The following INPP5D variants were observed in gnomAD, a reference collection of about 807,000 sequenced individuals.
The protein encoded by INPP5D is inositol polyphosphate-5-phosphatase D.
Under a neutral mutation model 122.9 loss-of-function variants are expected in INPP5D, and 33 were observed. The observed-to-expected ratio is 0.27, with a 90% CI of 0.20 to 0.36. The LOEUF (loss-of-function observed/expected upper bound fraction) is 0.36. Ranked by LOEUF, INPP5D falls within the 10% of genes least tolerant of loss-of-function variation. The probability of loss-of-function intolerance (pLI) is 1.00; values close to 1 mark genes in which losing one functional copy is unlikely to be tolerated. For synonymous variants in INPP5D, 584 were observed against 576.2 expected, an observed-to-expected ratio of 1.01 and a Z score of -0.19; for missense variants, 1,053 against 1,412.7, an observed-to-expected ratio of 0.75 and a Z score of 4.08.
intron 2 of INPP5D, among the ~76,000 whole-genome samples, chr2:233,119,410 T>C (rs901518325): frequency 3.9e-5 from 6 of 152,234 alleles, no homozygotes; most frequent in Admixed American, 3.9e-4. Context: ...ATTATTTTTG[T>C]TATTCTGCTC....
rs368658476 is a variant in INPP5D at position 233,192,874 on chromosome 2, C to T, written c.2447-938C>T. Among the ~76,000 whole-genome samples, 8 of 152,370 alleles carry T rather than the reference C, an allele frequency of 5.3e-5. No individual in the cohort carries two copies. The East Asian group carries it at 5.8e-4, about 11-fold the overall frequency. On this transcript the variant is annotated intron_variant, in intron 22 of 26. Coordinates refer to ENST00000445964, the MANE Select transcript of INPP5D (RefSeq NM_001017915.3). Reference sequence around the variant, plus strand: ...AAGGCTGTCTCAGCTGACCTCACCACGGATAGGCTTCCCCAGATCCTTGCT... The same window carrying T: ...AAGGCTGTCTCAGCTGACCTCACCATGGATAGGCTTCCCCAGATCCTTGCT...
intron 2 of INPP5D, among the ~76,000 whole-genome samples, chr2:233,086,225 G>A (rs1691844952): frequency 7.1e-6 from 1 of 140,074 alleles, no homozygotes; most frequent in East Asian, 2.1e-4. Context: ...GTTGCCCAGG[G>A]TGGAGGGCAA....
Position 233,144,475 on chromosome 2 carries a change from C to A in INPP5D, c.754-1687C>A, listed in dbSNP as rs1351352846. Among the ~76,000 whole-genome samples, 3 of 70,678 alleles carry A rather than the reference C, an allele frequency of 4.2e-5. No individual in the cohort carries two copies. The Admixed American group carries it at 4.8e-4, about 11-fold the overall frequency. 46.4% of individuals were successfully genotyped at this position (70,678 alleles called of 152,430 possible). A position where few individuals can be genotyped will look rare whatever the true frequency, so the allele number is the denominator to read the frequency against. On this transcript the variant is annotated intron_variant, in intron 6 of 26. Transcript: ENST00000445964. ...TAGTGATGGTGATGGTGGAGGTGGT[C>A]ATGATCATGATAGGACTGGTAGGGG... is the stretch of plus-strand genomic sequence containing the variant.
chr2:233,125,708 G>T (rs1193602511), intron 3 of INPP5D, 37 bp from the exon 4 acceptor site: 1 of 1,584,162 alleles, frequency 6.3e-7, no homozygotes. Flanking sequence ...TGTGCGCACA[G>T]TGTCCTCACC....
At chr2:233,115,271 C>T (rs1692755899) in intron 2 of INPP5D, among the ~76,000 whole-genome samples, 1 of 152,338 alleles carries the variant, frequency 6.6e-6, no homozygotes, top group East Asian at 1.9e-4. Context: ...GTGGGGGGTT[C>T]CTAGCACCCC....
At chr2:233,129,110 G>A (rs1452016037) in intron 4 of INPP5D, among the ~76,000 whole-genome samples, 1 of 152,072 alleles carries the variant, frequency 6.6e-6, no homozygotes, top group Non-Finnish European at 1.5e-5. Flanking sequence ...AGGTTGCAGT[G>A]AGCCGAGATC....
chr2:233,134,760 T>C (rs188090946), intron 5 of INPP5D, among the ~76,000 whole-genome samples: 4 of 152,280 alleles, frequency 2.6e-5, no homozygotes, highest in African/African-American at 9.6e-5. Context: ...GGTCTGAATA[T>C]CAATACAATA....
At chr2:233,099,803 T>C (rs1348334190) in intron 2 of INPP5D, among the ~76,000 whole-genome samples, 1 of 152,194 alleles carries the variant, frequency 6.6e-6, no homozygotes, top group Non-Finnish European at 1.5e-5. Flanking sequence ...TGTATTAGTC[T>C]GTTTTCACGC....
At chr2:233,086,218 G>T (rs1383343166) in intron 2 of INPP5D, among the ~76,000 whole-genome samples, 1 of 136,564 alleles carries the variant, frequency 7.3e-6, no homozygotes, top group African/African-American at 2.7e-5. Context: ...CGCTCTTGTT[G>T]CCCAGGGTGG....
At chr2:233,165,574 ATGTG>A (rs950277524) in intron 13 of INPP5D, among the ~76,000 whole-genome samples, 2 of 139,788 alleles carry the variant, frequency 1.4e-5, no homozygotes, top group Admixed American at 7.1e-5. Flanking sequence ...GTGTCCATGC[ATGTG>A]TGTTTGTGAG....
In INPP5D at chr2:233,158,304, T is replaced by C. The variant is rs919442028; in HGVS notation, c.1031-9T>C. The C allele has an allele frequency of 8.7e-5, 61 of 698,296 alleles. No individual in the cohort carries two copies. In the Admixed American group the frequency reaches 1.3e-3, roughly 14 times the overall value. 43.3% of individuals were successfully genotyped at this position (698,296 alleles called of 1,614,324 possible). A position where few individuals can be genotyped will look rare whatever the true frequency, so the allele number is the denominator to read the frequency against. On this transcript the variant is annotated splice_polypyrimidine_tract_variant and intron_variant, in intron 9 of 26. Coordinates refer to ENST00000445964, the MANE Select transcript of INPP5D (RefSeq NM_001017915.3). ...GATGAATGAATTAATGAATTTCTTT[T>C]CTCTTAAGTCCTGCAGCTCATTAAG...
At chr2:233,125,678 G>A (rs1161704506) in intron 3 of INPP5D, 67 bp from the exon 4 acceptor site, 34 of 1,444,548 alleles carry the variant, frequency 2.4e-5, no homozygotes, top group Non-Finnish European at 2.9e-5. Context: ...GACCCCATGG[G>A]GCTGCGGTGA....
chr2:233,182,231 G>A (rs987230512), intron 18 of INPP5D, among the ~76,000 whole-genome samples, 179 bp from the exon 19 acceptor site: 2 of 152,252 alleles, frequency 1.3e-5, no homozygotes, highest in Non-Finnish European at 2.9e-5. Flanking sequence ...AGGAGGCAGT[G>A]TCCACACTGT....
chr2:233,135,368 C>G (rs546788818), intron 5 of INPP5D, among the ~76,000 whole-genome samples: 19 of 151,750 alleles, frequency 1.3e-4, no homozygotes, highest in African/African-American at 4.1e-4. Context: ...GCTAATTAAA[C>G]AATTTTTTTT....
At chr2:233,114,559 G>A (rs1009872068) in intron 2 of INPP5D, among the ~76,000 whole-genome samples, 4 of 152,140 alleles carry the variant, frequency 2.6e-5, no homozygotes, top group South Asian at 2.1e-4. Context: ...TCAAAGGCTC[G>A]GCCTGCACCG....
At chr2:233,204,093 C>T in intron 25 of INPP5D, 33 bp from the exon 26 acceptor site, 1 of 1,475,700 alleles carries the variant, frequency 6.8e-7, no homozygotes, top group South Asian at 1.4e-5. Context: ...CTCCCCTGGA[C>T]ATGTGTCTTC....
chr2:233,135,446 C>G (rs1693442680), intron 5 of INPP5D, among the ~76,000 whole-genome samples: 1 of 151,982 alleles, frequency 6.6e-6, no homozygotes, highest in Non-Finnish European at 1.5e-5. Context: ...AGCCTTGGCT[C>G]CCCAGAGCTC....
chr2:233,105,039 C>T lies in INPP5D; in HGVS notation c.199-17068C>T, dbSNP rs975817293. 1.1e-4 allele frequency among the ~76,000 whole-genome samples: 17 copies of T among 152,280 alleles called. No homozygotes were observed. Among genetic ancestry groups the T allele is most frequent in the Non-Finnish European group, 2.2e-4 (15 of 68,014 alleles). On this transcript the variant is annotated intron_variant, in intron 2 of 26. Coordinates refer to ENST00000445964, the MANE Select transcript of INPP5D (RefSeq NM_001017915.3). The surrounding 1 kb of genome is among the most constrained non-coding windows in gnomAD (Gnocchi z 4.0). ...TGGGCTTTTGCACATGTACTCCAGG[C>T]CCCCATTGGCTGTCTTGGGTAGGGA...
At chr2:233,094,621 G>C (rs1270215441) in intron 2 of INPP5D, among the ~76,000 whole-genome samples, 1 of 147,392 alleles carries the variant, frequency 6.8e-6, no homozygotes, top group Non-Finnish European at 1.5e-5. Flanking sequence ...CATTGCTCTA[G>C]AACCTTGCTG....
Sources: allele counts gnomAD v4.1 joint callset (sites outside exome capture counted in the v4.1 genomes callset), GRCh38; gene constraint gnomAD v4.1.1; non-coding constraint Gnocchi (gnomAD v3.1); transcripts MANE v1.5; gene names NCBI Gene and HGNC (gene_info 2026-07-23, HGNC 2026-07-21).